Variants in PDE1A observed in about 807,000 individuals in gnomAD.
PDE1A encodes the protein dual specificity calcium/calmodulin-dependent 3',5'-cyclic nucleotide phosphodiesterase 1A.
In PDE1A, 35 loss-of-function variants were observed where a neutral mutation model predicts 61.7. The observed-to-expected ratio is 0.57, with a 90% CI of 0.43 to 0.75. PDE1A has a LOEUF of 0.75. Ranked by LOEUF, PDE1A falls within the 30% of genes least tolerant of loss-of-function variation. The pLI is 0.00. For synonymous variants in PDE1A, 232 were observed against 213.2 expected (o/e 1.09, Z -0.77); for missense variants, 597 against 630.6 (o/e 0.95, Z 0.57).
chr2:182,381,490 G>T (rs1399089599), intron 1 of PDE1A, among the ~76,000 whole-genome samples: 1 of 152,186 alleles, frequency 6.6e-6, no homozygotes. Context: ...GTAATGTCAT[G>T]TGTTGCACAG....
At chr2:182,402,591 C>A (rs1271143523) in intron 1 of PDE1A, among the ~76,000 whole-genome samples, 5 of 152,180 alleles carry the variant, frequency 3.3e-5, no homozygotes, top group Non-Finnish European at 7.3e-5. Context: ...AAAACCTAGG[C>A]AATACCATTC....
chr2:182,567,241 G>A, the PDE1A span, among the ~76,000 whole-genome samples: 2 of 152,168 alleles, frequency 1.3e-5, no homozygotes, highest in African/African-American at 2.4e-5. Context: ...CCCACAAAAC[G>A]TTTGCTTCCA....
At chr2:182,182,132 C>T (rs192201799) in intron 13 of PDE1A, among the ~76,000 whole-genome samples, 7 of 152,200 alleles carry the variant, frequency 4.6e-5, no homozygotes, top group South Asian at 2.1e-4. Flanking sequence ...GCAAAATTGT[C>T]GAGAAGTATG....
the PDE1A span, among the ~76,000 whole-genome samples, chr2:182,550,395 T>C: frequency 2.0e-5 from 3 of 152,138 alleles, no homozygotes; most frequent in Admixed American, 6.6e-5. Flanking sequence ...GAAATCATGC[T>C]CTGGGCAACT....
At chr2:182,516,055 A>G (rs140551368) in intron 2 of PDE1A, among the ~76,000 whole-genome samples, 10 of 151,192 alleles carry the variant, frequency 6.6e-5, no homozygotes, top group African/African-American at 2.2e-4. Context: ...TATAGAAGGC[A>G]TGTATTAGAT....
chr2:182,647,214 C>T, the PDE1A span, among the ~76,000 whole-genome samples: 3 of 152,190 alleles, frequency 2.0e-5, no homozygotes, highest in Non-Finnish European at 2.9e-5. Flanking sequence ...GGGGACATCA[C>T]TGCGTGCACT....
the PDE1A span, among the ~76,000 whole-genome samples, chr2:182,656,592 G>A: frequency 1.3e-3 from 202 of 152,238 alleles, no homozygotes; most frequent in Admixed American, 2.9e-3. Flanking sequence ...AAATGGAAAC[G>A]AATCTTTAAA....
chr2:182,604,953 CTTTCTAACG>C, the PDE1A span, among the ~76,000 whole-genome samples: 74 of 151,930 alleles, frequency 4.9e-4, no homozygotes, highest in African/African-American at 1.7e-3. Flanking sequence ...AAGATATTTT[CTTTCTAACG>C]TTTCTTAAAG....
intron 1 of PDE1A, among the ~76,000 whole-genome samples, chr2:182,376,537 C>T (rs1337641293): frequency 6.6e-6 from 1 of 152,192 alleles, no homozygotes; most frequent in African/African-American, 2.4e-5. Context: ...TAAAGCCATT[C>T]AACAAGTCTC....
chr2:182,627,808 G>A, the PDE1A span, among the ~76,000 whole-genome samples: 2 of 151,826 alleles, frequency 1.3e-5, no homozygotes, highest in Non-Finnish European at 2.9e-5. Flanking sequence ...GCCAGGCGTG[G>A]TGGTGCAATC....
At chr2:182,416,025 T>C (rs1229385992) in intron 1 of PDE1A, among the ~76,000 whole-genome samples, 1 of 152,192 alleles carries the variant, frequency 6.6e-6, no homozygotes, top group African/African-American at 2.4e-5. Context: ...TTAATGTCAG[T>C]GTCCCGTGTC....
chr2:182,599,015 C>A, the PDE1A span, among the ~76,000 whole-genome samples: 1 of 152,202 alleles, frequency 6.6e-6, no homozygotes, highest in African/African-American at 2.4e-5. Context: ...AGAAACACGG[C>A]TGGGGCTTCA....
At chr2:182,559,198 C>A in the PDE1A span, among the ~76,000 whole-genome samples, 1 of 151,980 alleles carries the variant, frequency 6.6e-6, no homozygotes, top group Non-Finnish European at 1.5e-5. Context: ...AGACAAAAAC[C>A]TAATGCAAAA....
chr2:182,584,404 A>T, the PDE1A span, among the ~76,000 whole-genome samples: 1 of 152,276 alleles, frequency 6.6e-6, no homozygotes, highest in Non-Finnish European at 1.5e-5. Context: ...GAGAGACTTC[A>T]GTTTGAATTC....
At chr2:182,397,945 A>G (rs1216061322) in intron 1 of PDE1A, among the ~76,000 whole-genome samples, 4 of 152,100 alleles carry the variant, frequency 2.6e-5, no homozygotes, top group Non-Finnish European at 5.9e-5. Flanking sequence ...AGACTATTCT[A>G]TTCTATGTAC....
the PDE1A span, among the ~76,000 whole-genome samples, chr2:182,593,010 A>C: frequency 6.6e-6 from 1 of 152,184 alleles, no homozygotes; most frequent in African/African-American, 2.4e-5. Context: ...TGACCCTCTC[A>C]GAAGAAACAG....
At chr2:182,186,225 C>T in intron 12 of PDE1A, 146 bp from the exon 13 acceptor site, 1 of 848,652 alleles carries the variant, frequency 1.2e-6, no homozygotes, top group East Asian at 2.6e-5. Context: ...CTGCTCATCT[C>T]CTTTCTCTCC....
chr2:182,406,161 A>G (rs1574574930), intron 1 of PDE1A, among the ~76,000 whole-genome samples: 1 of 152,096 alleles, frequency 6.6e-6, no homozygotes, highest in Admixed American at 6.6e-5. Flanking sequence ...TAGCTCTATT[A>G]TTATTATTCC....
chr2:182,679,137 TG>T, the PDE1A span, among the ~76,000 whole-genome samples: 1 of 150,780 alleles, frequency 6.6e-6, no homozygotes, highest in African/African-American at 2.4e-5. Flanking sequence ...CCTGAGTAGC[TG>T]GGACTACAGG....
Sources: allele counts gnomAD v4.1 joint callset (sites outside exome capture counted in the v4.1 genomes callset), GRCh38; gene constraint gnomAD v4.1.1; transcripts MANE v1.5; gene names NCBI Gene and HGNC (gene_info 2026-07-23, HGNC 2026-07-21).